The following ATP8A1 variants were observed in gnomAD, a reference collection of about 807,000 sequenced individuals.
The protein encoded by ATP8A1 is phospholipid-transporting ATPase IA.
A neutral mutation model predicts 177.7 loss-of-function variants in ATP8A1; 90 were observed. That is an observed-to-expected ratio of 0.51 (90% CI 0.43 to 0.60). ATP8A1 has a LOEUF of 0.60. Among genes scored for constraint, ATP8A1 ranks in the 20% least tolerant of loss-of-function variants. The probability of loss-of-function intolerance (pLI) is 0.00; values close to 1 mark genes in which losing one functional copy is unlikely to be tolerated. For missense variants in ATP8A1, 1,072 were observed against 1,392.8 expected (o/e 0.77, Z 3.67); for synonymous variants, 493 against 485.9 (o/e 1.01, Z -0.19).
chr4:42,627,165 C>G, intron 1 of ATP8A1, 56 bp from the exon 2 acceptor site: 2 of 1,330,002 alleles, frequency 1.5e-6, no homozygotes, highest in Non-Finnish European at 2.1e-6. Flanking sequence ...AGACCAAAAA[C>G]AGATTTCATA....
intron 33 of ATP8A1, among the ~76,000 whole-genome samples, chr4:42,437,711 G>T (rs1183142784): frequency 6.6e-6 from 1 of 152,040 alleles, no homozygotes; most frequent in African/African-American, 2.4e-5. Context: ...TAGAGATGTC[G>T]AATTACTGTA....
intron 15 of ATP8A1, 178 bp from the exon 16 acceptor site, chr4:42,556,218 T>C (rs1027944805): frequency 1.9e-5 from 8 of 428,148 alleles, no homozygotes; most frequent in African/African-American, 1.6e-4. Context: ...ACAAAATATA[T>C]TCAAGCATTC....
intron 19 of ATP8A1, among the ~76,000 whole-genome samples, chr4:42,545,109 G>A (rs1430067390): frequency 4.1e-5 from 6 of 147,608 alleles, no homozygotes; most frequent in Non-Finnish European, 5.9e-5. Context: ...GCAGTGAACC[G>A]AGATTGCACC....
At chr4:42,568,361 T>C (rs903734245) in intron 15 of ATP8A1, among the ~76,000 whole-genome samples, 4 of 152,192 alleles carry the variant, frequency 2.6e-5, no homozygotes, top group African/African-American at 9.7e-5. Flanking sequence ...ATGAGTAATA[T>C]GAAAATAAAA....
intron 19 of ATP8A1, among the ~76,000 whole-genome samples, chr4:42,546,603 A>T (rs1728962400): frequency 6.6e-6 from 1 of 150,934 alleles, no homozygotes; most frequent in Admixed American, 6.6e-5. Flanking sequence ...AAACAAAAAA[A>T]CTCACCCGAT....
At chr4:42,566,202 A>T (rs1431875169) in intron 15 of ATP8A1, among the ~76,000 whole-genome samples, 1 of 152,212 alleles carries the variant, frequency 6.6e-6, no homozygotes, top group Non-Finnish European at 1.5e-5. Context: ...CATATATCTA[A>T]GAGGTAATTA....
intron 1 of ATP8A1, among the ~76,000 whole-genome samples, chr4:42,635,943 T>G (rs1434013415): frequency 6.6e-6 from 1 of 151,428 alleles, no homozygotes; most frequent in Non-Finnish European, 1.5e-5. Flanking sequence ...TACCACAGAT[T>G]CAGTCCTCTC....
At chr4:42,647,741 C>G (rs1018508851) in intron 1 of ATP8A1, among the ~76,000 whole-genome samples, 5 of 151,864 alleles carry the variant, frequency 3.3e-5, no homozygotes, top group African/African-American at 1.2e-4. Context: ...TTAGCTAAAT[C>G]TAGTTGGTCT....
intron 6 of ATP8A1, 65 bp from the exon 7 acceptor site, chr4:42,590,949 A>G: frequency 7.2e-7 from 1 of 1,386,878 alleles, no homozygotes; most frequent in South Asian, 1.2e-5. Flanking sequence ...GAAAAAAAAC[A>G]AACAAATGGA....
chr4:42,587,930 C>T (rs2109360375), intron 8 of ATP8A1, among the ~76,000 whole-genome samples: 1 of 152,234 alleles, frequency 6.6e-6, no homozygotes, highest in South Asian at 2.1e-4. Context: ...TTTAACATGG[C>T]AAAGTCAAAT....
At chr4:42,653,739 C>T (rs1467288487) in intron 1 of ATP8A1, among the ~76,000 whole-genome samples, 1 of 152,152 alleles carries the variant, frequency 6.6e-6, no homozygotes, top group African/African-American at 2.4e-5. Context: ...ACTCTAAGAA[C>T]CTGTTCAAAT....
chr4:42,586,402 A>C lies in ATP8A1; in HGVS notation c.669T>G (p.Ser223Arg). The C allele has an allele frequency of 6.2e-7, 1 of 1,614,116 alleles. No homozygotes were observed. Among genetic ancestry groups the C allele is most frequent in the Non-Finnish European group, 8.5e-7 (1 of 1,179,976 alleles). ...MRISGRIECE[S>R]PNRHLYDFVG... ...CAAAATCGTAGAGATGTCTGTTTGG[A>C]CTTTCACACTCAATTCTGCCAGAAA... The change falls in exon 9 of 37, where the codon AGT becomes AGG. Residue 223 changes from serine to arginine, a missense_variant. Ser to Arg is a moderately radical substitution (Grantham distance 110). Around this residue, in one of 5 missense-constraint regions of ATP8A1, gnomAD observed 344 missense variants for 393.5 expected, o/e 0.87. Transcript: ENST00000381668.
intron 22 of ATP8A1, among the ~76,000 whole-genome samples, chr4:42,508,275 G>A (rs59099065): frequency 0.042 from 6,355 of 152,228 alleles, 173 homozygotes; most frequent in South Asian, 0.094. Context: ...TTGGATTATA[G>A]GTACGTGCCA....
chr4:42,545,196 CTCTT>C (rs1728778462), intron 19 of ATP8A1, among the ~76,000 whole-genome samples: 2 of 151,760 alleles, frequency 1.3e-5, no homozygotes, highest in Non-Finnish European at 2.9e-5. Flanking sequence ...TTTAAGTTCC[CTCTT>C]TCTTTATCCA....
chr4:42,599,249 T>C (rs144497481), intron 6 of ATP8A1, among the ~76,000 whole-genome samples: 21 of 152,320 alleles, frequency 1.4e-4, no homozygotes, highest in Admixed American at 3.3e-4. Context: ...CAACCCTAGG[T>C]AAAATAATAT....
At chr4:42,513,216 A>C (rs1725191823) in intron 22 of ATP8A1, among the ~76,000 whole-genome samples, 1 of 152,100 alleles carries the variant, frequency 6.6e-6, no homozygotes, top group Non-Finnish European at 1.5e-5. Context: ...TCAGGTACCA[A>C]TTCTCTTTCT....
intron 33 of ATP8A1, among the ~76,000 whole-genome samples, chr4:42,430,927 C>A (rs957916191): frequency 6.6e-6 from 1 of 152,052 alleles, no homozygotes; most frequent in Non-Finnish European, 1.5e-5. Flanking sequence ...GTGACCACCC[C>A]ATTGAAAACA....
intron 24 of ATP8A1, among the ~76,000 whole-genome samples, chr4:42,491,694 A>G (rs752061164): frequency 4.6e-5 from 7 of 152,220 alleles, no homozygotes; most frequent in Non-Finnish European, 8.8e-5. Context: ...CAAGCTAACG[A>G]ACCCACAGGC....
intron 1 of ATP8A1, among the ~76,000 whole-genome samples, chr4:42,630,628 T>C (rs1482229985): frequency 6.6e-6 from 1 of 152,176 alleles, no homozygotes; most frequent in Non-Finnish European, 1.5e-5. Flanking sequence ...CACAATCTTG[T>C]GCAAAGAGGA....
Sources: gnomAD v4.1 joint callset for allele counts (sites outside exome capture counted in the v4.1 genomes callset) on GRCh38, gnomAD v4.1.1 for gene constraint, gnomAD v4.1.1 regional missense constraint, MANE v1.5 for transcripts, NCBI Gene and HGNC (gene_info 2026-07-23, HGNC 2026-07-21) for gene names.